The following ERC2 variants were observed in gnomAD, a reference collection of about 807,000 sequenced individuals.
ERC2 encodes the protein ELKS/RAB6-interacting/CAST family member 2.
Under a neutral mutation model 114.8 loss-of-function variants are expected in ERC2, and 42 were observed. That is an observed-to-expected ratio of 0.37 (90% CI 0.29 to 0.47). ERC2 has a LOEUF of 0.47. ERC2 is among the 20% of genes least tolerant of loss of function. The pLI, the probability that ERC2 is intolerant of heterozygous loss-of-function variation, is 0.99. For missense variants in ERC2, 939 were observed against 1,150.7 expected (o/e 0.82, Z 2.66); for synonymous variants, 454 against 425.5 (o/e 1.07, Z -0.82).
intron 3 of ERC2, among the ~76,000 whole-genome samples, chr3:56,287,481 C>T (rs774060607): frequency 2.6e-5 from 4 of 152,180 alleles, no homozygotes; most frequent in East Asian, 1.9e-4. Context: ...CTAGCCCTGA[C>T]GTTGCCTTCT....
At chr3:55,826,682 C>G (rs1418365362) in intron 14 of ERC2, among the ~76,000 whole-genome samples, 1 of 152,212 alleles carries the variant, frequency 6.6e-6, no homozygotes, top group Admixed American at 6.5e-5. Flanking sequence ...CCATGCCAAA[C>G]TAATGAAGTC....
intron 15 of ERC2, among the ~76,000 whole-genome samples, chr3:55,705,991 G>A (rs1260801298): frequency 2.6e-5 from 4 of 152,038 alleles, no homozygotes; most frequent in African/African-American, 7.3e-5. Flanking sequence ...TTCCCACCAG[G>A]AGCCCGTGCA....
At chr3:55,689,491 A>G (rs1244020696) in intron 16 of ERC2, among the ~76,000 whole-genome samples, 2 of 152,174 alleles carry the variant, frequency 1.3e-5, no homozygotes, top group Non-Finnish European at 2.9e-5. Context: ...TTGCCAGATA[A>G]CCATAAAAAA....
chr3:56,079,711 T>C (rs1340013122), intron 7 of ERC2, among the ~76,000 whole-genome samples: 1 of 152,140 alleles, frequency 6.6e-6, no homozygotes, highest in Non-Finnish European at 1.5e-5. Context: ...GGGTGTCATG[T>C]TTACATTATG....
intron 3 of ERC2, among the ~76,000 whole-genome samples, chr3:56,225,660 A>T (rs2050203154): frequency 6.6e-6 from 1 of 152,188 alleles, no homozygotes; most frequent in South Asian, 2.1e-4. Flanking sequence ...GCTTTTGTCT[A>T]ACACCTTCTT....
intron 3 of ERC2, among the ~76,000 whole-genome samples, chr3:56,257,926 T>C (rs1189866125): frequency 6.6e-6 from 1 of 152,230 alleles, no homozygotes; most frequent in Non-Finnish European, 1.5e-5. Flanking sequence ...ACAATGGAGA[T>C]AATTAGACAT....
intron 14 of ERC2, among the ~76,000 whole-genome samples, chr3:55,773,735 A>C (rs1452910131): frequency 6.6e-6 from 1 of 152,242 alleles, no homozygotes; most frequent in African/African-American, 2.4e-5. Flanking sequence ...GTTTTTTAAA[A>C]AAAATCATTG....
chr3:56,311,255 C>CTCTCTCTCTATATA (rs1314796268), intron 2 of ERC2, among the ~76,000 whole-genome samples: 4 of 79,064 alleles, frequency 5.1e-5, no homozygotes, highest in African/African-American at 1.7e-4. Flanking sequence ...CTCTCTCTCT[C>CTCTCTCTCTATATA]TATATATATA....
At chr3:55,518,468 T>TGAGATAGC (rs895069996) in intron 17 of ERC2, among the ~76,000 whole-genome samples, 1 of 152,214 alleles carries the variant, frequency 6.6e-6, no homozygotes, top group Non-Finnish European at 1.5e-5. Context: ...GCTACAATCC[T>TGAGATAGC]GAGATAGCGA....
At chr3:55,876,467 A>C (rs2062849581) in intron 14 of ERC2, among the ~76,000 whole-genome samples, 1 of 152,208 alleles carries the variant, frequency 6.6e-6, no homozygotes, top group Admixed American at 6.5e-5. Flanking sequence ...TTTCTGGTCT[A>C]AATGAACATT....
intron 12 of ERC2, among the ~76,000 whole-genome samples, chr3:55,975,291 T>C (rs1344502310): frequency 6.6e-6 from 1 of 152,218 alleles, no homozygotes; most frequent in East Asian, 1.9e-4. Flanking sequence ...GCTGCAATTA[T>C]AGGAACATAA....
intron 14 of ERC2, among the ~76,000 whole-genome samples, chr3:55,811,316 T>A (rs1416269527): frequency 2.0e-5 from 3 of 152,084 alleles, no homozygotes; most frequent in African/African-American, 7.3e-5. Flanking sequence ...AAGAACATCA[T>A]CTTTCCTATC....
intron 17 of ERC2, among the ~76,000 whole-genome samples, chr3:55,539,795 C>A (rs917823075): frequency 2.0e-5 from 3 of 151,842 alleles, no homozygotes; most frequent in Non-Finnish European, 2.9e-5. Flanking sequence ...TGTTGTTTAG[C>A]CCAGAATTGG....
intron 16 of ERC2, among the ~76,000 whole-genome samples, chr3:55,694,097 A>C (rs1024447871): frequency 7.2e-5 from 11 of 152,216 alleles, no homozygotes; most frequent in Non-Finnish European, 1.3e-4. Context: ...GCACATTTGC[A>C]CTCAAGAATA....
chr3:56,014,798 TATC>T (rs1234069965), intron 8 of ERC2, among the ~76,000 whole-genome samples: 1 of 152,178 alleles, frequency 6.6e-6, no homozygotes, highest in Admixed American at 6.6e-5. Flanking sequence ...AATAGGGTGA[TATC>T]ATACAACCCA....
At chr3:56,456,906 A>G (rs1020022991) in intron 1 of ERC2, among the ~76,000 whole-genome samples, 22 of 152,338 alleles carry the variant, frequency 1.4e-4, no homozygotes, top group African/African-American at 5.3e-4. Context: ...TAATGTATGA[A>G]AGGCAATTTA....
At chr3:56,102,437 A>G (rs575129693) in intron 6 of ERC2, among the ~76,000 whole-genome samples, 1 of 152,256 alleles carries the variant, frequency 6.6e-6, no homozygotes, top group African/African-American at 2.4e-5. Context: ...AACAAAGAAC[A>G]CGGGGTGAGA....
intron 17 of ERC2, among the ~76,000 whole-genome samples, chr3:55,567,603 T>C (rs1404794133): frequency 6.6e-6 from 1 of 151,500 alleles, no homozygotes; most frequent in East Asian, 1.9e-4. Context: ...AATGGTGAGA[T>C]GGTAAGAAAG....
intron 13 of ERC2, among the ~76,000 whole-genome samples, chr3:55,899,505 G>A (rs2064015034): frequency 6.6e-6 from 1 of 152,132 alleles, no homozygotes; most frequent in Admixed American, 6.5e-5. Context: ...GTGTGAGTGT[G>A]TGTGTGTGAG....
Sources: gnomAD v4.1 joint callset for allele counts (sites outside exome capture counted in the v4.1 genomes callset) on GRCh38, gnomAD v4.1.1 for gene constraint, MANE v1.5 for transcripts, NCBI Gene and HGNC (gene_info 2026-07-23, HGNC 2026-07-21) for gene names.